Variants in KLHL32 observed in about 807,000 individuals in gnomAD.
KLHL32 encodes kelch like family member 32, also known as kelch-like protein 32.
Under a neutral mutation model 64.8 loss-of-function variants are expected in KLHL32, and 35 were observed. The observed-to-expected ratio is 0.54, with a 90% CI of 0.41 to 0.72. KLHL32 has a LOEUF of 0.72. Ranked by LOEUF, KLHL32 falls within the 30% of genes least tolerant of loss-of-function variation. The pLI is 0.00. For missense variants in KLHL32, 589 were observed against 768.5 expected (o/e 0.77, Z 2.76); for synonymous variants, 259 against 281.0 (o/e 0.92, Z 0.78).
chr6:97,042,039 C>T (rs962367843), intron 4 of KLHL32, among the ~76,000 whole-genome samples: 1 of 152,170 alleles, frequency 6.6e-6, no homozygotes, highest in African/African-American at 2.4e-5. Context: ...GAATTGAAGG[C>T]ATTTAGATTA....
chr6:97,096,245 A>G (rs1395255558), intron 6 of KLHL32, among the ~76,000 whole-genome samples: 5 of 152,206 alleles, frequency 3.3e-5, no homozygotes, highest in Non-Finnish European at 5.9e-5. Flanking sequence ...TCACTTACAC[A>G]TATGCAGGTG....
At chr6:97,073,773 T>C (rs1286927407) in intron 5 of KLHL32, among the ~76,000 whole-genome samples, 1 of 152,200 alleles carries the variant, frequency 6.6e-6, no homozygotes, top group Non-Finnish European at 1.5e-5. Context: ...GGGAGAATGC[T>C]ATCCATGTGT....
At chr6:96,978,077 T>TAA (rs1775909230) in intron 3 of KLHL32, among the ~76,000 whole-genome samples, 3 of 152,188 alleles carry the variant, frequency 2.0e-5, no homozygotes, top group Non-Finnish European at 4.4e-5. Flanking sequence ...TAATGGACCG[T>TAA]AATATAGCCT....
chr6:96,970,346 C>G (rs1462068826), intron 2 of KLHL32, among the ~76,000 whole-genome samples: 1 of 152,202 alleles, frequency 6.6e-6, no homozygotes, highest in Non-Finnish European at 1.5e-5. Flanking sequence ...ACCGTGTTCT[C>G]CTTTGTCCCT....
intron 4 of KLHL32, among the ~76,000 whole-genome samples, chr6:97,056,613 G>A (rs1379387700): frequency 1.3e-5 from 2 of 152,072 alleles, no homozygotes; most frequent in East Asian, 3.9e-4. Flanking sequence ...CAAGTTATTT[G>A]GTATTGACAA....
rs113090070 is a variant in KLHL32 at position 96,958,976 on chromosome 6, C to T, written c.-65-8020C>T. Among the ~76,000 whole-genome samples, 193 of 152,246 alleles carry T rather than the reference C, an allele frequency of 1.3e-3. 1 individual carries two copies. The highest frequency in any genetic ancestry group is 4.3e-3 in the African/African-American group (180 of 41,538). On this transcript the variant is annotated intron_variant, in intron 1 of 10. Coordinates refer to ENST00000369261, the MANE Select transcript of KLHL32 (RefSeq NM_052904.4). ...CCCTCATCCCTCTCTGCTTGGACCC[C>T]CACAGTACTTATGAAAGCTGGAAGG...
chr6:97,037,063 C>G (rs538390087), intron 3 of KLHL32, among the ~76,000 whole-genome samples: 21 of 152,058 alleles, frequency 1.4e-4, no homozygotes, highest in African/African-American at 4.1e-4. Flanking sequence ...TGAATGTTAG[C>G]TTTTTAATAT....
At chr6:97,048,700 C>T (rs1443817242) in intron 4 of KLHL32, among the ~76,000 whole-genome samples, 3 of 152,066 alleles carry the variant, frequency 2.0e-5, no homozygotes, top group African/African-American at 7.2e-5. Context: ...CTCGGGAGAC[C>T]TGAGCATCAG....
intron 5 of KLHL32, among the ~76,000 whole-genome samples, chr6:97,080,844 A>G: frequency 6.6e-6 from 1 of 152,116 alleles, no homozygotes; most frequent in Admixed American, 6.5e-5. Context: ...AACAAATAAG[A>G]TGGAGAAATG....
At position 97,127,438 on chromosome 6, in the gene KLHL32, G is replaced by A; in HGVS notation, c.1389G>A (p.Arg463=). 1.2e-6 allele frequency: 2 copies of A among 1,613,260 alleles called. No individual in the cohort carries two copies. Among genetic ancestry groups the A allele is most frequent in the Non-Finnish European group, 1.7e-6 (2 of 1,179,338 alleles). Residue 463 remains arginine (R), a synonymous_variant, in exon 8 of 11, where the codon AGG becomes AGA. Coordinates refer to ENST00000369261, the MANE Select transcript of KLHL32 (RefSeq NM_052904.4). The part of the protein sequence containing the change: ...GVTNTAQYQN[R]LMVYEPNQNK... Reference sequence around the variant, plus strand: ...CTAATACGGCACAATATCAGAACAGGCTAATGGTGTATGAACCTAACCAGG... The same window carrying A: ...CTAATACGGCACAATATCAGAACAGACTAATGGTGTATGAACCTAACCAGG...
intron 6 of KLHL32, chr6:97,105,646 G>A: frequency 2.7e-6 from 1 of 364,970 alleles, no homozygotes. Context: ...GCTGCCCCTG[G>A]CCAAGGAGCA....
At chr6:96,990,799 G>A (rs1222242111) in intron 3 of KLHL32, among the ~76,000 whole-genome samples, 1 of 152,142 alleles carries the variant, frequency 6.6e-6, no homozygotes, top group African/African-American at 2.4e-5. Flanking sequence ...GAGCATTGGA[G>A]GCTCATAGGT....
intron 6 of KLHL32, among the ~76,000 whole-genome samples, chr6:97,090,427 G>A (rs534718053): frequency 1.1e-4 from 17 of 151,946 alleles, no homozygotes; most frequent in African/African-American, 1.9e-4. Context: ...TTTTTGACAC[G>A]CTCCTCCTGG....
intron 3 of KLHL32, among the ~76,000 whole-genome samples, chr6:97,022,550 A>G (rs569471882): frequency 1.1e-4 from 17 of 149,484 alleles, no homozygotes; most frequent in South Asian, 4.2e-4. Flanking sequence ...ACTCACTGCA[A>G]TCTCCGTCTC....
chr6:97,065,826 A>T (rs1422990606), intron 5 of KLHL32, among the ~76,000 whole-genome samples: 1 of 152,106 alleles, frequency 6.6e-6, no homozygotes, highest in East Asian at 1.9e-4. Context: ...CTAGCATCTT[A>T]TTTAATCTTC....
intron 6 of KLHL32, among the ~76,000 whole-genome samples, chr6:97,106,909 G>A (rs1796486007): frequency 6.6e-6 from 1 of 151,952 alleles, no homozygotes; most frequent in African/African-American, 2.4e-5. Context: ...CCATAAATGA[G>A]GCTCACTGAA....
intron 3 of KLHL32, among the ~76,000 whole-genome samples, chr6:97,004,702 C>T (rs1277517703): frequency 1.3e-5 from 2 of 152,040 alleles, no homozygotes; most frequent in Non-Finnish European, 2.9e-5. Flanking sequence ...TTAATTTTAT[C>T]AAAAGCCTTT....
chr6:96,939,425 A>T (rs1378465272), intron 1 of KLHL32, among the ~76,000 whole-genome samples: 1 of 152,166 alleles, frequency 6.6e-6, no homozygotes, highest in Non-Finnish European at 1.5e-5. Context: ...ACGATCTCAC[A>T]ATTAAGAGTG....
intron 7 of KLHL32, among the ~76,000 whole-genome samples, chr6:97,120,103 C>T (rs1345105593): frequency 1.3e-5 from 2 of 151,864 alleles, no homozygotes; most frequent in African/African-American, 4.8e-5. Flanking sequence ...TCCCAGGTAC[C>T]AGGAACAGTG....
Sources: allele counts gnomAD v4.1 joint callset (sites outside exome capture counted in the v4.1 genomes callset), GRCh38; gene constraint gnomAD v4.1.1; transcripts MANE v1.5; gene names NCBI Gene and HGNC (gene_info 2026-07-23, HGNC 2026-07-21).